Variants in KLC1 observed in about 807,000 individuals in gnomAD.
KLC1 encodes kinesin light chain 1.
KLC1 carries 30 observed loss-of-function variants against 84.2 expected under a neutral mutation model. The ratio of observed to expected loss-of-function variants is 0.36; its 90% CI spans 0.27 to 0.48. The LOEUF (loss-of-function observed/expected upper bound fraction) is 0.48. Ranked by LOEUF, KLC1 falls within the 20% of genes least tolerant of loss-of-function variation. KLC1 has a pLI of 0.99. For synonymous variants in KLC1, 289 were observed against 293.3 expected (o/e 0.99, Z 0.15); for missense variants, 499 against 805.4 (o/e 0.62, Z 4.60).
chr14:103,631,486 A>G (rs1021804533), intron 1 of KLC1, among the ~76,000 whole-genome samples: 2 of 152,244 alleles, frequency 1.3e-5, no homozygotes, highest in Non-Finnish European at 2.9e-5. Context: ...ATCTTAAAAC[A>G]TACTTGTATA....
intron 1 of KLC1, among the ~76,000 whole-genome samples, chr14:103,638,693 G>A (rs2077241879): frequency 7.8e-6 from 1 of 127,770 alleles, no homozygotes; most frequent in Non-Finnish European, 1.5e-5. Flanking sequence ...TCAGAGTCTC[G>A]CTCTGTCACC....
Position 103,673,341 on chromosome 14 carries a change from T to C in KLC1, c.1171T>C (p.Tyr391His). The change falls in exon 9 of 17, where the codon TAT (tyrosine) becomes CAT (histidine). Residue 391 changes from tyrosine to histidine, a missense_variant. Tyr to His is a moderately conservative substitution (Grantham distance 83). Coordinates refer to ENST00000334553, the MANE Select transcript of KLC1 (RefSeq NM_001394837.1). ...TTTATTTTATTTTAAGGCATCCTGCTATTTGAAACAAGGAAAGTTCAAGCA... is the reference window on the plus strand; with the variant it reads ...TTTATTTTATTTTAAGGCATCCTGCCATTTGAAACAAGGAAAGTTCAAGCA... ...AKTKNNLASC[Y>H]LKQGKFKQAE... 3 of 1,595,414 alleles carry C rather than the reference T, an allele frequency of 1.9e-6. No individual in the cohort carries two copies. The highest frequency in any genetic ancestry group is 2.6e-6 in the Non-Finnish European group (3 of 1,173,542).
At chr14:103,689,363 T>C (rs1217189878) in intron 14 of KLC1, among the ~76,000 whole-genome samples, 10 of 152,204 alleles carry the variant, frequency 6.6e-5, no homozygotes, top group Non-Finnish European at 1.5e-5. Flanking sequence ...TCCCCAGTGT[T>C]AGAACTGTGG....
At chr14:103,669,762 G>T (rs2080221133) in intron 6 of KLC1, among the ~76,000 whole-genome samples, 164 bp downstream of exon 6, 1 of 152,170 alleles carries the variant, frequency 6.6e-6, no homozygotes, top group Non-Finnish European at 1.5e-5. Context: ...CTAGTGACAG[G>T]CCAGAGCACA....
chr14:103,644,080 T>C (rs931806456), intron 1 of KLC1, among the ~76,000 whole-genome samples: 9 of 151,674 alleles, frequency 5.9e-5, no homozygotes, highest in Non-Finnish European at 1.0e-4. Flanking sequence ...CTGGGTGTGG[T>C]TGCGGGCGCC....
chr14:103,640,164 G>A (rs2077374352), intron 1 of KLC1, among the ~76,000 whole-genome samples: 1 of 151,996 alleles, frequency 6.6e-6, no homozygotes, highest in East Asian at 1.9e-4. Flanking sequence ...AGGTTCATGC[G>A]ATTCTACTGC....
chr14:103,654,580 T>C lies in KLC1; in HGVS notation c.16T>C (p.Ser6Pro), dbSNP rs754353645. MYDNM[S>P]TMVYIKEDKL... The stretch of plus-strand genomic sequence containing the variant: ...TCATTCCAGAATGTATGACAACATG[T>C]CCACAATGGTGTACATAAAGGAAGA... The change falls in exon 2 of 17, where the codon TCC becomes CCC. Residue 6 changes from serine to proline, a missense_variant. Transcript: ENST00000334553. The C allele has an allele frequency of 1.2e-6, 2 of 1,610,244 alleles. No individual in the cohort carries two copies. The highest frequency in any genetic ancestry group is 2.2e-5 in the South Asian group (2 of 90,484).
intron 2 of KLC1, among the ~76,000 whole-genome samples, chr14:103,656,145 G>C (rs1270290902): frequency 6.6e-6 from 1 of 152,160 alleles, no homozygotes; most frequent in African/African-American, 2.4e-5. Flanking sequence ...CTCCTTCCTT[G>C]AAGGCTGCTG....
chr14:103,679,150 CG>C (rs2081157065), intron 12 of KLC1, among the ~76,000 whole-genome samples: 1 of 152,142 alleles, frequency 6.6e-6, no homozygotes, highest in African/African-American at 2.4e-5. Flanking sequence ...TAGTTGAACA[CG>C]GGTACACACC....
In KLC1 at chr14:103,646,140, T is replaced by C. The variant is rs75658113; in HGVS notation, c.-1-8424T>C. On this transcript the variant is annotated intron_variant, in intron 1 of 16. Transcript: ENST00000334553. ...GTCATTATACTGCACATGACTGTAT[T>C]GTACAGAATTTGTCTATTGTAAATT... Among the ~76,000 whole-genome samples, 926 of 152,300 alleles carry C rather than the reference T, an allele frequency of 6.1e-3. 9 individuals carry two copies. The highest frequency in any genetic ancestry group is 0.021 in the African/African-American group (891 of 41,572).
chr14:103,645,457 C>T (rs4906350), intron 1 of KLC1, among the ~76,000 whole-genome samples: 42,471 of 151,998 alleles, frequency 0.28, 6,692 homozygotes, highest in East Asian at 0.35. Context: ...ACATCGCAGT[C>T]GCACTTCTTA....
chr14:103,662,026 T>C, intron 3 of KLC1, 90 bp from the exon 4 acceptor site: 1 of 821,134 alleles, frequency 1.2e-6, no homozygotes. Flanking sequence ...CTAAGATTCT[T>C]AGTTAAAATG....
chr14:103,638,154 T>C (rs766645583), intron 1 of KLC1, among the ~76,000 whole-genome samples: 1 of 152,124 alleles, frequency 6.6e-6, no homozygotes, highest in Non-Finnish European at 1.5e-5. Context: ...GGGTTTCCTG[T>C]TGCCCATCTC....
At chr14:103,676,378 C>T (rs1348592186) in intron 11 of KLC1, among the ~76,000 whole-genome samples, 1 of 152,172 alleles carries the variant, frequency 6.6e-6, no homozygotes, top group Non-Finnish European at 1.5e-5. Flanking sequence ...AAGTGATTCT[C>T]CTGCCTCAGC....
Position 103,688,780 on chromosome 14 carries a change from A to G in KLC1, c.1781+1569A>G, listed in dbSNP as rs17101752. Among the ~76,000 whole-genome samples, 926 of 152,276 alleles carry G rather than the reference A, an allele frequency of 6.1e-3. 9 individuals are homozygous for G. The highest frequency in any genetic ancestry group is 0.021 in the African/African-American group (891 of 41,542). On this transcript the variant is annotated intron_variant, in intron 14 of 16. Coordinates refer to ENST00000334553, the MANE Select transcript of KLC1 (RefSeq NM_001394837.1). ...GAGAGGGAGTTTTAGGAGCCCCACA[A>G]ATGTTCATTCAGAAAACTCCCTGGA...
intron 1 of KLC1, among the ~76,000 whole-genome samples, chr14:103,652,998 A>G (rs1259565401): frequency 1.3e-5 from 2 of 152,178 alleles, no homozygotes; most frequent in Non-Finnish European, 2.9e-5. Flanking sequence ...ATCCTGGAAT[A>G]TATAGTCTGT....
intron 13 of KLC1, among the ~76,000 whole-genome samples, chr14:103,682,187 G>A (rs1405835133): frequency 2.6e-5 from 4 of 151,896 alleles, no homozygotes; most frequent in African/African-American, 4.8e-5. Context: ...TGGCCAACAC[G>A]GTGAAACCCC....
chr14:103,672,103 A>T (rs768476133), intron 7 of KLC1, among the ~76,000 whole-genome samples: 11 of 152,196 alleles, frequency 7.2e-5, no homozygotes, highest in Non-Finnish European at 1.5e-4. Context: ...CTGGGAGGAT[A>T]TGAAGTGTGG....
chr14:103,673,884 C>G (rs1441327009), intron 9 of KLC1, among the ~76,000 whole-genome samples: 1 of 151,802 alleles, frequency 6.6e-6, no homozygotes. Flanking sequence ...GATCGTGCCA[C>G]TGCACTCCAG....
Sources: allele counts gnomAD v4.1 joint callset (sites outside exome capture counted in the v4.1 genomes callset), GRCh38; gene constraint gnomAD v4.1.1; transcripts MANE v1.5; gene names NCBI Gene and HGNC (gene_info 2026-07-23, HGNC 2026-07-21).